The following PKHD1 variants were observed in gnomAD, a reference collection of about 807,000 sequenced individuals.
PKHD1 encodes fibrocystin.
Under a neutral mutation model 412.0 loss-of-function variants are expected in PKHD1, and 291 were observed. The ratio of observed to expected loss-of-function variants is 0.71; its 90% CI spans 0.64 to 0.78. The LOEUF is 0.78. Among genes scored for constraint, PKHD1 ranks in the 30% least tolerant of loss-of-function variants. The pLI, the probability that PKHD1 is intolerant of heterozygous loss-of-function variation, is 0.00. For synonymous variants in PKHD1, 1,777 were observed against 1,821.5 expected, an observed-to-expected ratio of 0.98 and a Z score of 0.62; for missense variants, 4,825 against 4,950.7, an observed-to-expected ratio of 0.97 and a Z score of 0.76.
intron 46 of PKHD1, 73 bp downstream of exon 46, chr6:51,883,020 G>A: frequency 8.7e-7 from 1 of 1,145,080 alleles, no homozygotes; most frequent in Non-Finnish European, 1.3e-6. Context: ...GCATATCCTG[G>A]ATCATCAGGG....
chr6:51,874,139 A>G (rs565499911), intron 46 of PKHD1, among the ~76,000 whole-genome samples: 1 of 152,318 alleles, frequency 6.6e-6, no homozygotes, highest in East Asian at 1.9e-4. Flanking sequence ...GGAAGAATGA[A>G]GCAACTCCAT....
At chr6:51,817,499 T>G (rs1765662102) in intron 52 of PKHD1, among the ~76,000 whole-genome samples, 1 of 152,088 alleles carries the variant, frequency 6.6e-6, no homozygotes, top group African/African-American at 2.4e-5. Context: ...AGGGGACTGG[T>G]GTGTCAGTTT....
At chr6:51,920,732 G>A (rs1349839742) in intron 37 of PKHD1, among the ~76,000 whole-genome samples, 1 of 152,168 alleles carries the variant, frequency 6.6e-6, no homozygotes, top group Non-Finnish European at 1.5e-5. Context: ...GTAGAATTCG[G>A]CTGTGAATCC....
chr6:52,052,636 C>T (rs1487994708), intron 21 of PKHD1, among the ~76,000 whole-genome samples: 1 of 152,080 alleles, frequency 6.6e-6, no homozygotes, highest in Non-Finnish European at 1.5e-5. Context: ...GTGGAGAAAT[C>T]CTGCTAGTCT....
chr6:51,997,783 G>C (rs964786090), intron 35 of PKHD1, among the ~76,000 whole-genome samples: 2 of 152,340 alleles, frequency 1.3e-5, no homozygotes, highest in South Asian at 4.1e-4. Flanking sequence ...CATGGGAGGA[G>C]AGTGGGAGTC....
At chr6:51,917,395 C>T (rs1783996415) in intron 37 of PKHD1, among the ~76,000 whole-genome samples, 2 of 152,062 alleles carry the variant, frequency 1.3e-5, no homozygotes, top group African/African-American at 4.8e-5. Context: ...TGTGGATGAA[C>T]ATTTGTCACG....
At chr6:51,754,592 G>A (rs546685041) in intron 56 of PKHD1, among the ~76,000 whole-genome samples, 192 bp downstream of exon 56, 1 of 152,228 alleles carries the variant, frequency 6.6e-6, no homozygotes, top group South Asian at 2.1e-4. Flanking sequence ...TAACATCCAA[G>A]TATTCTTTAA....
intron 53 of PKHD1, among the ~76,000 whole-genome samples, chr6:51,783,608 T>C (rs898541438): frequency 6.6e-6 from 1 of 151,888 alleles, no homozygotes; most frequent in African/African-American, 2.4e-5. Context: ...TGTTAAAGCA[T>C]GAGAACAATG....
intron 9 of PKHD1, 97 bp from the exon 10 acceptor site, chr6:52,070,542 A>G: frequency 1.2e-6 from 1 of 854,182 alleles, no homozygotes; most frequent in Non-Finnish European, 2.0e-6. Context: ...AATATCATCA[A>G]ATTACCACCC....
At chr6:51,819,591 A>G (rs1766040021) in intron 52 of PKHD1, among the ~76,000 whole-genome samples, 1 of 152,116 alleles carries the variant, frequency 6.6e-6, no homozygotes, top group Admixed American at 6.5e-5. Flanking sequence ...ATGCAATTAC[A>G]TTTCTATCTC....
At chr6:51,874,531 C>T (rs895917515) in intron 46 of PKHD1, among the ~76,000 whole-genome samples, 1 of 152,116 alleles carries the variant, frequency 6.6e-6, no homozygotes, top group African/African-American at 2.4e-5. Flanking sequence ...AAAAGTTCTT[C>T]CAGAAAGTAA....
intron 52 of PKHD1, among the ~76,000 whole-genome samples, chr6:51,808,708 G>A (rs1368644785): frequency 6.6e-6 from 1 of 151,998 alleles, no homozygotes; most frequent in Non-Finnish European, 1.5e-5. Flanking sequence ...GATAGGTAAT[G>A]TTCCTTTCTC....
intron 60 of PKHD1, among the ~76,000 whole-genome samples, chr6:51,671,837 G>T (rs1334750144): frequency 1.3e-5 from 2 of 152,112 alleles, no homozygotes; most frequent in Non-Finnish European, 2.9e-5. Flanking sequence ...CCTGCTGGGG[G>T]GTGCCTCCCA....
intron 2 of PKHD1, 82 bp from the exon 3 acceptor site, chr6:52,083,337 A>G (rs1582160484): frequency 2.2e-6 from 2 of 912,568 alleles, no homozygotes; most frequent in Admixed American, 1.8e-5. Context: ...GCAATATTTA[A>G]CCTGCCTCAG....
At chr6:52,066,515 T>G (rs369663654) in intron 11 of PKHD1, among the ~76,000 whole-genome samples, 7 of 151,932 alleles carry the variant, frequency 4.6e-5, no homozygotes, top group Non-Finnish European at 1.0e-4. Context: ...TCACTGTCTT[T>G]AGGACCCTCC....
rs73429305 is a variant in PKHD1, at chr6:51,890,012, A to G, written c.6997-2767T>C. Among the ~76,000 whole-genome samples the G allele has an allele frequency of 4.6e-3, 704 of 152,092 alleles. 9 individuals are homozygous for G. Among genetic ancestry groups the G allele is most frequent in the African/African-American group, 0.016 (684 of 41,466 alleles). ...TGGTGGATTTTTTTTTTCCCTTAGA[A>G]GTATTTTTTTTTTAAGTAATGATGA... On this transcript the variant is annotated intron_variant, in intron 43 of 66. Coordinates refer to ENST00000371117, the MANE Select transcript of PKHD1 (RefSeq NM_138694.4).
intron 60 of PKHD1, among the ~76,000 whole-genome samples, chr6:51,714,008 T>C (rs1376520538): frequency 6.6e-6 from 1 of 152,046 alleles, no homozygotes. Flanking sequence ...AATTCATTGG[T>C]GTGAGATATG....
intron 35 of PKHD1, among the ~76,000 whole-genome samples, chr6:51,987,502 G>T (rs1796360342): frequency 6.6e-6 from 1 of 152,096 alleles, no homozygotes; most frequent in East Asian, 1.9e-4. Context: ...ACAAAACGCT[G>T]GAAAGTGGTG....
intron 66 of PKHD1, among the ~76,000 whole-genome samples, chr6:51,620,521 A>G (rs183101423): frequency 1.3e-4 from 20 of 152,206 alleles, no homozygotes; most frequent in Non-Finnish European, 2.2e-4. Flanking sequence ...TACTTTTACT[A>G]CGTTTACTGT....
Sources: allele counts gnomAD v4.1 joint callset (sites outside exome capture counted in the v4.1 genomes callset), GRCh38; gene constraint gnomAD v4.1.1; transcripts MANE v1.5; gene names NCBI Gene and HGNC (gene_info 2026-07-23, HGNC 2026-07-21).